RBFOX1: variants seen among roughly 807,000 people sequenced by gnomAD.
The protein encoded by RBFOX1 is RNA binding fox-1 homolog 1, also known as RNA binding protein fox-1 homolog 1.
RBFOX1 carries 8 observed loss-of-function variants against 57.7 expected under a neutral mutation model. The observed-to-expected ratio is 0.14, with a 90% CI of 0.08 to 0.25. RBFOX1 has a LOEUF of 0.25. Ranked by LOEUF, RBFOX1 falls within the 10% of genes least tolerant of loss-of-function variation. RBFOX1 has a pLI of 1.00. For missense variants in RBFOX1, 611 were observed against 548.5 expected (o/e 1.11, Z -1.14); for synonymous variants, 326 against 222.4 (o/e 1.47, Z -4.15).
At chr16:7,644,726 T>G (rs529570329) in intron 11 of RBFOX1, among the ~76,000 whole-genome samples, 8 of 152,054 alleles carry the variant, frequency 5.3e-5, no homozygotes, top group Admixed American at 3.9e-4. Context: ...TATAGAGAGA[T>G]GTATAAGGAA....
intron 3 of RBFOX1, among the ~76,000 whole-genome samples, chr16:5,733,295 G>C (rs2052449950): frequency 6.6e-6 from 1 of 152,170 alleles, no homozygotes; most frequent in Non-Finnish European, 1.5e-5. Context: ...CTTCCACAAA[G>C]ACCTCGTAAA....
At chr16:7,386,667 G>C (rs1479532409) in intron 4 of RBFOX1, among the ~76,000 whole-genome samples, 1 of 151,946 alleles carries the variant, frequency 6.6e-6, no homozygotes, top group East Asian at 1.9e-4. Flanking sequence ...TTTTTATTGT[G>C]AACAGTGCCA....
chr16:6,005,359 T>C (rs1422910283), intron 4 of RBFOX1, among the ~76,000 whole-genome samples: 3 of 152,186 alleles, frequency 2.0e-5, no homozygotes, highest in Non-Finnish European at 4.4e-5. Context: ...ATTCTGCCAA[T>C]GTTTGTTGAG....
chr16:7,578,149 C>T (rs1046095897), intron 5 of RBFOX1, among the ~76,000 whole-genome samples: 9 of 152,170 alleles, frequency 5.9e-5, no homozygotes, highest in South Asian at 2.1e-4. Context: ...CTAAACATTT[C>T]GTCACTTTCC....
At chr16:5,308,874 C>G (rs1193642031) in intron 1 of RBFOX1, among the ~76,000 whole-genome samples, 1 of 152,088 alleles carries the variant, frequency 6.6e-6, no homozygotes, top group Non-Finnish European at 1.5e-5. Context: ...CGCTGTTGTC[C>G]TGAGACCTCC....
At chr16:7,429,064 A>G (rs1187227097) in intron 4 of RBFOX1, among the ~76,000 whole-genome samples, 1 of 152,178 alleles carries the variant, frequency 6.6e-6, no homozygotes, top group Non-Finnish European at 1.5e-5. Context: ...GTCTTGTGGA[A>G]ATGAATGTGT....
At chr16:5,277,086 T>A (rs749106121) in intron 1 of RBFOX1, among the ~76,000 whole-genome samples, 29 of 152,084 alleles carry the variant, frequency 1.9e-4, no homozygotes, top group Non-Finnish European at 3.4e-4. Context: ...ATGTGTTTTT[T>A]ATATGTATAT....
chr16:7,347,468 G>A (rs58677729), intron 4 of RBFOX1, among the ~76,000 whole-genome samples: 4,939 of 152,212 alleles, frequency 0.032, 176 homozygotes, highest in African/African-American at 0.087. Context: ...CCCAAATTCA[G>A]TCATTTCCCA....
At chr16:6,587,356 A>G (rs1399127338) in intron 2 of RBFOX1, among the ~76,000 whole-genome samples, 3 of 152,018 alleles carry the variant, frequency 2.0e-5, no homozygotes, top group Admixed American at 6.6e-5. Context: ...ATCCTAGCTC[A>G]CAGCAAACTT....
In RBFOX1 at chr16:7,595,543, A is replaced by G; in HGVS notation, c.469-6A>G. ...TGTTGTTTTCCCTTCTCCCTCCTGC[A>G]TGCAGGGATTTGGTTTCGTAACTTT... On this transcript the variant is annotated splice_region_variant and splice_polypyrimidine_tract_variant and intron_variant, in intron 7 of 15. Coordinates refer to ENST00000550418, the MANE Select transcript of RBFOX1 (RefSeq NM_018723.4). The G allele has an allele frequency of 1.3e-6, 2 of 1,543,448 alleles. No individual in the cohort carries two copies. The highest frequency in any genetic ancestry group is 1.7e-4 in the Middle Eastern group (1 of 5,844).
At chr16:6,403,859 C>G (rs771995617) in intron 2 of RBFOX1, among the ~76,000 whole-genome samples, 1 of 152,116 alleles carries the variant, frequency 6.6e-6, no homozygotes, top group South Asian at 2.1e-4. Context: ...TAATTAAGGT[C>G]CAATGAGATT....
At chr16:7,128,240 T>C (rs1342802394) in intron 4 of RBFOX1, among the ~76,000 whole-genome samples, 1 of 152,238 alleles carries the variant, frequency 6.6e-6, no homozygotes, top group Non-Finnish European at 1.5e-5. Flanking sequence ...CTAAGTCCTT[T>C]TTGTATATGA....
intron 3 of RBFOX1, among the ~76,000 whole-genome samples, chr16:5,862,157 C>A (rs1050004516): frequency 6.6e-5 from 10 of 152,186 alleles, no homozygotes; most frequent in Non-Finnish European, 1.5e-4. Context: ...CAAAGACGAC[C>A]TGCTAGACTC....
chr16:6,478,421 ATATATATATTT>A (rs1209427162), intron 2 of RBFOX1, among the ~76,000 whole-genome samples: 136 of 12,364 alleles, frequency 0.011, no homozygotes, highest in African/African-American at 0.029. Flanking sequence ...ATATATATAT[ATATATATATTT>A]TTTTTTTTTT....
intron 4 of RBFOX1, among the ~76,000 whole-genome samples, chr16:7,211,112 C>T (rs56144966): frequency 0.098 from 14,621 of 148,852 alleles, 780 homozygotes; most frequent in African/African-American, 0.11. Flanking sequence ...GGACTCTGGG[C>T]CGGGTGCTGT....
At chr16:5,283,501 C>T (rs1160159281) in intron 1 of RBFOX1, among the ~76,000 whole-genome samples, 3 of 152,114 alleles carry the variant, frequency 2.0e-5, no homozygotes, top group Admixed American at 6.5e-5. Context: ...GGTGTTATAC[C>T]CTACAAAGCC....
intron 1 of RBFOX1, among the ~76,000 whole-genome samples, chr16:5,420,020 T>G (rs1202938988): frequency 6.6e-6 from 1 of 152,128 alleles, no homozygotes; most frequent in African/African-American, 2.4e-5. Flanking sequence ...TGTGAGACCC[T>G]GGGAAGAGAG....
chr16:6,893,177 A>G (rs748803784), intron 3 of RBFOX1, among the ~76,000 whole-genome samples: 2 of 152,098 alleles, frequency 1.3e-5, no homozygotes, highest in Non-Finnish European at 2.9e-5. Context: ...TTTTGCAGGC[A>G]GTGGAGTGAG....
intron 2 of RBFOX1, among the ~76,000 whole-genome samples, chr16:5,540,682 T>G (rs2044897421): frequency 6.6e-6 from 1 of 152,124 alleles, no homozygotes; most frequent in Non-Finnish European, 1.5e-5. Flanking sequence ...AATACGAATC[T>G]CTGGCACTGA....
Sources: allele counts gnomAD v4.1 joint callset (sites outside exome capture counted in the v4.1 genomes callset), GRCh38; gene constraint gnomAD v4.1.1; transcripts MANE v1.5; gene names NCBI Gene and HGNC (gene_info 2026-07-23, HGNC 2026-07-21).